DIS3L2: variants seen among roughly 807,000 people sequenced by gnomAD.
The protein encoded by DIS3L2 is DIS3-like exonuclease 2.
Under a neutral mutation model 97.5 loss-of-function variants are expected in DIS3L2, and 34 were observed. The observed-to-expected ratio is 0.35, with a 90% CI of 0.27 to 0.46. The LOEUF (loss-of-function observed/expected upper bound fraction) is 0.46. Ranked by LOEUF, DIS3L2 falls within the 20% of genes least tolerant of loss-of-function variation. DIS3L2 has a pLI of 1.00. For synonymous variants in DIS3L2, 435 were observed against 445.2 expected, an observed-to-expected ratio of 0.98 and a Z score of 0.29; for missense variants, 1,038 against 1,146.0, an observed-to-expected ratio of 0.91 and a Z score of 1.36.
Position 232,153,802 on chromosome 2 carries a change from A to G in DIS3L2, c.951-9657A>G, listed in dbSNP as rs564842040. ...ATAATATCCTGCAGAGTGTTTTCCA[A>G]CTTGGTTCCATTCTCCCCATCACTT... On this transcript the variant is annotated intron_variant, in intron 8 of 20. Coordinates refer to ENST00000325385, the MANE Select transcript of DIS3L2 (RefSeq NM_152383.5). Among the ~76,000 whole-genome samples, 392 of 152,120 alleles carry G rather than the reference A, an allele frequency of 2.6e-3. 2 individuals are homozygous for G. Among genetic ancestry groups the G allele is most frequent in the African/African-American group, 8.9e-3 (368 of 41,434 alleles).
chr2:232,130,826 A>G (rs1460373449), intron 7 of DIS3L2, 107 bp downstream of exon 7: 1 of 1,390,446 alleles, frequency 7.2e-7, no homozygotes, highest in African/African-American at 1.5e-5. Context: ...ATTTAATCAG[A>G]AAAGTTAGAG....
chr2:232,134,947 G>C (rs758630824), intron 7 of DIS3L2, among the ~76,000 whole-genome samples: 1 of 152,176 alleles, frequency 6.6e-6, no homozygotes, highest in Non-Finnish European at 1.5e-5. Context: ...AACAGACTTG[G>C]AGAACAGGCA....
intron 5 of DIS3L2, among the ~76,000 whole-genome samples, chr2:232,087,004 G>T (rs1018530742): frequency 1.3e-5 from 2 of 152,082 alleles, no homozygotes; most frequent in African/African-American, 4.8e-5. Context: ...ATTTTTATAA[G>T]AACATTTTAT....
chr2:232,096,170 G>T (rs1328945142), intron 6 of DIS3L2, among the ~76,000 whole-genome samples: 1 of 149,852 alleles, frequency 6.7e-6, no homozygotes, highest in Non-Finnish European at 1.5e-5. Context: ...CACTGGAAGC[G>T]CTGCCTCCTG....
intron 8 of DIS3L2, among the ~76,000 whole-genome samples, chr2:232,152,302 T>C (rs1690362439): frequency 8.9e-5 from 1 of 11,248 alleles, no homozygotes; most frequent in Non-Finnish European, 3.1e-4. Context: ...AGGGTGTCAA[T>C]TTTGGATCTT....
rs1036748137 is a variant in DIS3L2, at chr2:232,037,289, G to A, written c.366+7209G>A. ...GGCTACAGGGGCTTTGCGGTGCTGT[G>A]GTGGGCTCCGCCCAGCTTGAACTTC... On this transcript the variant is annotated intron_variant, in intron 5 of 20. Transcript: ENST00000325385. The surrounding 1 kb of genome is among the most constrained non-coding windows in gnomAD (Gnocchi z 4.6). Among the ~76,000 whole-genome samples the A allele has an allele frequency of 6.6e-6, 1 of 152,168 alleles. No homozygotes were observed. Among genetic ancestry groups the A allele is most frequent in the African/African-American group, 2.4e-5 (1 of 41,436 alleles).
In DIS3L2 at chr2:232,330,694, G is replaced by A. The variant is rs1249863950; in HGVS notation, c.1928G>A (p.Ser643Asn). The change falls in exon 16 of 21, where the codon AGC becomes AAC. Residue 643 changes from serine to asparagine, a missense_variant. Transcript: ENST00000325385. ...DFSSAGALNKSLTQTFGDDKY... is the reference protein window; with the variant it reads ...DFSSAGALNKNLTQTFGDDKY... ...GTTTCTGGGATTTGCTTCTAGAAAAGCCTGACCCAAACATTTGGAGATGAC... is the reference window on the plus strand; with the variant it reads ...GTTTCTGGGATTTGCTTCTAGAAAAACCTGACCCAAACATTTGGAGATGAC... 1 of 1,614,046 alleles carries A rather than the reference G, an allele frequency of 6.2e-7. No individual in the cohort carries two copies. The highest frequency in any genetic ancestry group is 1.7e-5 in the Admixed American group (1 of 60,030).
intron 1 of DIS3L2, among the ~76,000 whole-genome samples, chr2:231,980,901 CTGGGACCACAGGCA>C: frequency 6.6e-6 from 1 of 152,226 alleles, no homozygotes; most frequent in South Asian, 2.1e-4. Context: ...TCCTGAATAG[CTGGGACCACAGGCA>C]TGTGCCACCA....
At chr2:232,338,370 G>A (rs897071043), downstream of DIS3L2, among the ~76,000 whole-genome samples, 5 of 152,190 alleles carry the variant, frequency 3.3e-5, no homozygotes, top group African/African-American at 1.2e-4. Context: ...CCAGGGGGGT[G>A]AACAAGGGGG....
intron 3 of DIS3L2, 164 bp downstream of exon 3, chr2:232,015,835 C>T: frequency 3.0e-6 from 2 of 676,736 alleles, no homozygotes; most frequent in Non-Finnish European, 4.7e-6. Context: ...ACAGATTCTT[C>T]TTAGAACTAC....
intron 9 of DIS3L2, among the ~76,000 whole-genome samples, chr2:232,197,314 A>G (rs886962368): frequency 6.6e-6 from 1 of 152,206 alleles, no homozygotes; most frequent in South Asian, 2.1e-4. Context: ...CATATTAACT[A>G]TGTCACTTCT....
intron 5 of DIS3L2, among the ~76,000 whole-genome samples, chr2:232,085,547 A>G (rs184776736): frequency 6.6e-6 from 1 of 152,342 alleles, no homozygotes; most frequent in Admixed American, 6.5e-5. Context: ...TTTTAATTAT[A>G]TGTTTAAATT....
intron 20 of DIS3L2, chr2:232,336,085 G>A (rs1695933874): frequency 1.3e-6 from 2 of 1,543,184 alleles, no homozygotes; most frequent in Admixed American, 3.9e-5. Flanking sequence ...GGCAACCACA[G>A]TGGAGAGAGG....
At chr2:232,279,485 G>C (rs1225745953) in intron 13 of DIS3L2, among the ~76,000 whole-genome samples, 1 of 149,608 alleles carries the variant, frequency 6.7e-6, no homozygotes, top group African/African-American at 2.5e-5. Context: ...TTATTACTGA[G>C]TTTGGAGAAT....
chr2:232,322,783 A>T (rs1695472974), intron 14 of DIS3L2, among the ~76,000 whole-genome samples: 5 of 152,212 alleles, frequency 3.3e-5, no homozygotes, highest in Admixed American at 3.3e-4. Flanking sequence ...AGAGAAAGAA[A>T]GACCTGTGCA....
chr2:232,220,366 A>T (rs181562869), intron 10 of DIS3L2, among the ~76,000 whole-genome samples: 1 of 151,974 alleles, frequency 6.6e-6, no homozygotes, highest in Admixed American at 6.6e-5. Flanking sequence ...AAACAAACAA[A>T]CACCAAGTAT....
At chr2:232,283,086 TA>T (rs1253384203) in intron 13 of DIS3L2, among the ~76,000 whole-genome samples, 2 of 152,192 alleles carry the variant, frequency 1.3e-5, no homozygotes, top group Non-Finnish European at 2.9e-5. Flanking sequence ...GGCTTTGCTT[TA>T]GTAACAACAA....
At chr2:232,195,083 G>A (rs751755197) in intron 9 of DIS3L2, among the ~76,000 whole-genome samples, 7 of 152,136 alleles carry the variant, frequency 4.6e-5, no homozygotes, top group Admixed American at 1.3e-4. Flanking sequence ...CAGAGTTTTG[G>A]CCCAAAATGA....
At chr2:232,012,906 T>G (rs949297103) in intron 1 of DIS3L2, among the ~76,000 whole-genome samples, 2 of 152,206 alleles carry the variant, frequency 1.3e-5, no homozygotes, top group African/African-American at 4.8e-5. Context: ...GTTACCATCT[T>G]TATGCAAATG....
Sources: gnomAD v4.1 joint callset for allele counts (sites outside exome capture counted in the v4.1 genomes callset) on GRCh38, gnomAD v4.1.1 for gene constraint, Gnocchi (gnomAD v3.1) non-coding constraint, MANE v1.5 for transcripts, NCBI Gene and HGNC (gene_info 2026-07-23, HGNC 2026-07-21) for gene names.